Variants in TBC1D19 observed in about 807,000 individuals in gnomAD.
TBC1D19 encodes the protein TBC1 domain family member 19.
In TBC1D19, 60 loss-of-function variants were observed where a neutral mutation model predicts 89.0. The observed-to-expected ratio is 0.67, with a 90% CI of 0.55 to 0.84. The LOEUF (loss-of-function observed/expected upper bound fraction) is 0.84. Among genes scored for constraint, TBC1D19 ranks in the 40% least tolerant of loss-of-function variants. The probability of loss-of-function intolerance (pLI) is 0.00; values close to 1 mark genes in which losing one functional copy is unlikely to be tolerated. For synonymous variants in TBC1D19, 189 were observed against 199.7 expected (o/e 0.95, Z 0.45); for missense variants, 500 against 610.8 (o/e 0.82, Z 1.91).
intron 1 of TBC1D19, among the ~76,000 whole-genome samples, chr4:26,592,956 A>G (rs1739921881): frequency 6.6e-6 from 1 of 151,880 alleles, no homozygotes; most frequent in South Asian, 2.1e-4. Context: ...TCAAGCTACC[A>G]ATGACTTTCT....
chr4:26,851,319 AT>A, the TBC1D19 span, among the ~76,000 whole-genome samples: 6 of 147,510 alleles, frequency 4.1e-5, no homozygotes, highest in East Asian at 1.2e-3. Flanking sequence ...CTATCTATCT[AT>A]CTATCTATCT....
intron 13 of TBC1D19, among the ~76,000 whole-genome samples, chr4:26,697,777 T>G (rs1714939916): frequency 6.6e-6 from 1 of 152,148 alleles, no homozygotes; most frequent in Non-Finnish European, 1.5e-5. Context: ...ATTATCTCAA[T>G]AGATGCAGGA....
At chr4:26,705,494 CAT>C (rs1437000198) in intron 13 of TBC1D19, among the ~76,000 whole-genome samples, 2 of 152,156 alleles carry the variant, frequency 1.3e-5, no homozygotes, top group Non-Finnish European at 2.9e-5. Flanking sequence ...CATTCTTTTG[CAT>C]ATAGATATCC....
chr4:26,717,987 A>AG lies in TBC1D19; in HGVS notation c.1010dup (p.Ser337ArgfsTer46). 3 of 1,612,134 alleles carry AG rather than the reference A, an allele frequency of 1.9e-6. No individual in the cohort carries two copies. The highest frequency in any genetic ancestry group is 2.5e-6 in the Non-Finnish European group (3 of 1,179,000). On this transcript the variant is annotated frameshift_variant, in exon 14 of 21. Coordinates refer to ENST00000264866, the MANE Select transcript of TBC1D19 (RefSeq NM_018317.4). LOFTEE classifies it high-confidence loss of function. ...TGTGTTGAGTCACTTTGCATTCAAC[A>AG]GTGCCTCGCCACCAAAATCATACAT...
the TBC1D19 span, among the ~76,000 whole-genome samples, chr4:26,850,106 C>T: frequency 6.6e-6 from 1 of 152,058 alleles, no homozygotes; most frequent in African/African-American, 2.4e-5. Flanking sequence ...TGCCCCCTCC[C>T]AAATTCATAT....
At chr4:26,851,715 T>A in the TBC1D19 span, among the ~76,000 whole-genome samples, 1 of 152,204 alleles carries the variant, frequency 6.6e-6, no homozygotes, top group Admixed American at 6.5e-5. Flanking sequence ...AAGTACGAGT[T>A]CTTTTTTTAT....
At chr4:26,814,784 C>T in the TBC1D19 span, among the ~76,000 whole-genome samples, 1 of 152,254 alleles carries the variant, frequency 6.6e-6, no homozygotes, top group East Asian at 1.9e-4. Context: ...GCTTTGGGAA[C>T]CTGAGGTGGG....
At chr4:26,666,533 T>G (rs1711826340) in intron 9 of TBC1D19, 128 bp downstream of exon 9, 2 of 640,776 alleles carry the variant, frequency 3.1e-6, no homozygotes, top group African/African-American at 1.8e-5. Flanking sequence ...TGCCTCTCCT[T>G]GGTTACTGTT....
intron 1 of TBC1D19, among the ~76,000 whole-genome samples, chr4:26,588,941 G>C (rs1739598388): frequency 6.6e-6 from 1 of 151,946 alleles, no homozygotes; most frequent in African/African-American, 2.4e-5. Context: ...AGTCAATATA[G>C]ACAAGGATCA....
intron 4 of TBC1D19, among the ~76,000 whole-genome samples, chr4:26,632,225 G>A (rs573469625): frequency 2.6e-5 from 4 of 152,022 alleles, no homozygotes; most frequent in Admixed American, 6.6e-5. Flanking sequence ...ACAATGTGGG[G>A]TTTAGGGGTG....
intron 1 of TBC1D19, among the ~76,000 whole-genome samples, chr4:26,592,694 A>G (rs1739899688): frequency 6.6e-6 from 1 of 151,228 alleles, no homozygotes; most frequent in African/African-American, 2.4e-5. Flanking sequence ...TACACCAATA[A>G]CAGACAAACA....
At chr4:26,815,105 A>G in the TBC1D19 span, among the ~76,000 whole-genome samples, 1 of 152,176 alleles carries the variant, frequency 6.6e-6, no homozygotes, top group East Asian at 1.9e-4. Context: ...TATATCACTC[A>G]TTAAAATTAT....
the TBC1D19 span, among the ~76,000 whole-genome samples, chr4:26,839,064 A>G: frequency 1.3e-5 from 2 of 152,218 alleles, no homozygotes; most frequent in African/African-American, 2.4e-5. Flanking sequence ...CTTATTCTAT[A>G]CAACATCTTA....
intron 7 of TBC1D19, among the ~76,000 whole-genome samples, chr4:26,658,267 G>A (rs1450034004): frequency 6.6e-6 from 1 of 152,116 alleles, no homozygotes; most frequent in Non-Finnish European, 1.5e-5. Context: ...TTTTGTATAA[G>A]GTGTAAGGAA....
chr4:26,683,852 GA>G, intron 12 of TBC1D19, 103 bp downstream of exon 12: 1 of 924,576 alleles, frequency 1.1e-6, no homozygotes, highest in Non-Finnish European at 1.6e-6. Flanking sequence ...TATTAACCTT[GA>G]AAAATAATTT....
intron 6 of TBC1D19, among the ~76,000 whole-genome samples, chr4:26,639,071 C>T (rs1312669686): frequency 6.6e-6 from 1 of 152,166 alleles, no homozygotes. Context: ...TTTTTAGAGA[C>T]AGGTTCTTGC....
At chr4:26,832,900 A>G in the TBC1D19 span, among the ~76,000 whole-genome samples, 3 of 152,156 alleles carry the variant, frequency 2.0e-5, no homozygotes, top group African/African-American at 7.2e-5. Context: ...AGGCTGAGAC[A>G]AGAAAATTGC....
At chr4:26,729,592 A>G (rs1442574625) in intron 15 of TBC1D19, among the ~76,000 whole-genome samples, 2 of 152,228 alleles carry the variant, frequency 1.3e-5, no homozygotes. Context: ...TAAATAGAAT[A>G]AAGAATTATC....
chr4:26,737,409 AC>A (rs570743970), intron 16 of TBC1D19, among the ~76,000 whole-genome samples: 27 of 152,302 alleles, frequency 1.8e-4, no homozygotes, highest in Admixed American at 3.3e-4. Flanking sequence ...AATAGTTCCA[AC>A]TGCAAAAATT....
Sources: gnomAD v4.1 joint callset for allele counts (sites outside exome capture counted in the v4.1 genomes callset) on GRCh38, gnomAD v4.1.1 for gene constraint, MANE v1.5 for transcripts, NCBI Gene and HGNC (gene_info 2026-07-23, HGNC 2026-07-21) for gene names.